DOK6: variants seen among roughly 807,000 people sequenced by gnomAD.
DOK6 encodes docking protein 6.
DOK6 carries 22 observed loss-of-function variants against 44.0 expected under a neutral mutation model. The observed-to-expected ratio is 0.50, with a 90% CI of 0.36 to 0.71. DOK6 has a LOEUF of 0.71. Among genes scored for constraint, DOK6 ranks in the 30% least tolerant of loss-of-function variants. The probability of loss-of-function intolerance (pLI) is 0.00; values close to 1 mark genes in which losing one functional copy is unlikely to be tolerated. For synonymous variants in DOK6, 166 were observed against 145.5 expected, an observed-to-expected ratio of 1.14 and a Z score of -1.01; for missense variants, 340 against 416.4, an observed-to-expected ratio of 0.82 and a Z score of 1.60.
intron 3 of DOK6, among the ~76,000 whole-genome samples, chr18:69,654,488 A>G (rs1209512612): frequency 6.6e-6 from 1 of 152,164 alleles, no homozygotes; most frequent in Non-Finnish European, 1.5e-5. Flanking sequence ...TTTGCATAAA[A>G]TCTGGCTCTT....
chr18:69,547,552 T>A (rs1982440490), intron 1 of DOK6, among the ~76,000 whole-genome samples: 1 of 151,562 alleles, frequency 6.6e-6, no homozygotes, highest in African/African-American at 2.4e-5. Context: ...GCGGATTACA[T>A]TTTAACATGA....
chr18:69,458,011 C>T (rs374613124), intron 1 of DOK6, among the ~76,000 whole-genome samples: 8 of 152,204 alleles, frequency 5.3e-5, no homozygotes, highest in East Asian at 1.9e-4. Flanking sequence ...GGCGTGGTGG[C>T]GCATGCCTGT....
At chr18:69,580,915 A>G (rs1983354096) in intron 2 of DOK6, among the ~76,000 whole-genome samples, 1 of 152,132 alleles carries the variant, frequency 6.6e-6, no homozygotes, top group Non-Finnish European at 1.5e-5. Flanking sequence ...ACATGCAGTG[A>G]GAACGTGTGG....
intron 3 of DOK6, among the ~76,000 whole-genome samples, chr18:69,615,891 G>A (rs928279843): frequency 4.2e-4 from 64 of 152,096 alleles, no homozygotes; most frequent in Admixed American, 9.8e-4. Flanking sequence ...TCATAAGCAC[G>A]GTGAACTGAT....
intron 7 of DOK6, among the ~76,000 whole-genome samples, chr18:69,762,149 G>GCATACATA (rs60739609): frequency 3.8e-4 from 42 of 110,788 alleles, no homozygotes; most frequent in African/African-American, 1.0e-3. Flanking sequence ...ATCTCTGCAT[G>GCATACATA]CATACATACA....
chr18:69,812,162 G>A (rs1981260006), intron 7 of DOK6, among the ~76,000 whole-genome samples: 1 of 151,992 alleles, frequency 6.6e-6, no homozygotes, highest in South Asian at 2.1e-4. Flanking sequence ...AACCACAGAG[G>A]GTGGAATCTT....
At chr18:69,577,413 T>G (rs139684281) in intron 2 of DOK6, among the ~76,000 whole-genome samples, 37 of 152,312 alleles carry the variant, frequency 2.4e-4, no homozygotes, top group African/African-American at 7.7e-4. Context: ...AGGTGTCTTA[T>G]CTATTCATTA....
intron 1 of DOK6, among the ~76,000 whole-genome samples, chr18:69,447,354 T>C (rs355993): frequency 0.79 from 120,899 of 152,076 alleles, 48,323 homozygotes; most frequent in East Asian, 1. Flanking sequence ...TGTCAAAGAT[T>C]AGATGGTTGT....
At chr18:69,585,622 C>CT (rs562119553) in intron 2 of DOK6, among the ~76,000 whole-genome samples, 2 of 151,944 alleles carry the variant, frequency 1.3e-5, no homozygotes, top group African/African-American at 2.4e-5. Flanking sequence ...TATAATGTGT[C>CT]TTTTTTTTCA....
intron 1 of DOK6, among the ~76,000 whole-genome samples, chr18:69,414,646 A>C (rs547199730): frequency 4.6e-5 from 7 of 152,190 alleles, no homozygotes; most frequent in Non-Finnish European, 7.4e-5. Context: ...TTGATGGTTG[A>C]AATGTTCTGT....
intron 1 of DOK6, among the ~76,000 whole-genome samples, chr18:69,467,400 A>G: frequency 6.6e-6 from 1 of 152,170 alleles, no homozygotes; most frequent in Non-Finnish European, 1.5e-5. Context: ...ATTTTGAATC[A>G]GGAACATGAG....
At chr18:69,468,550 A>G (rs1436958736) in intron 1 of DOK6, among the ~76,000 whole-genome samples, 3 of 152,220 alleles carry the variant, frequency 2.0e-5, no homozygotes. Context: ...ATGGCTTGGT[A>G]TATAGATTTC....
chr18:69,754,247 G>T (rs1044820089), intron 6 of DOK6, among the ~76,000 whole-genome samples: 1 of 151,588 alleles, frequency 6.6e-6, no homozygotes, highest in African/African-American at 2.4e-5. Context: ...CAGGCTACTC[G>T]GGAGGCTGAG....
At chr18:69,555,502 C>A (rs768099401) in intron 1 of DOK6, among the ~76,000 whole-genome samples, 2 of 152,094 alleles carry the variant, frequency 1.3e-5, no homozygotes, top group Admixed American at 6.6e-5. Flanking sequence ...ATTAAAAAGT[C>A]TTTTTCCATT....
chr18:69,781,508 C>T (rs987148446), intron 7 of DOK6: 5 of 152,086 alleles, frequency 3.3e-5, no homozygotes, highest in East Asian at 1.9e-4. Flanking sequence ...ACCACCTAAA[C>T]GTATGAATAT....
At chr18:69,468,389 C>T (rs991879197) in intron 1 of DOK6, among the ~76,000 whole-genome samples, 2 of 152,124 alleles carry the variant, frequency 1.3e-5, no homozygotes, top group African/African-American at 4.8e-5. Flanking sequence ...ATATGTGCCC[C>T]ATAAATATGT....
chr18:69,559,933 C>A (rs1568296522), intron 1 of DOK6, among the ~76,000 whole-genome samples: 1 of 152,134 alleles, frequency 6.6e-6, no homozygotes, highest in African/African-American at 2.4e-5. Flanking sequence ...CAAGGCTCAA[C>A]CCTCATGACC....
intron 7 of DOK6, among the ~76,000 whole-genome samples, chr18:69,804,990 C>A (rs1353662223): frequency 6.6e-6 from 1 of 152,120 alleles, no homozygotes; most frequent in Non-Finnish European, 1.5e-5. Flanking sequence ...CATTTCTGCT[C>A]AGAGAGTAAG....
Position 69,810,165 on chromosome 18 carries a change from A to G in DOK6, c.857-31079A>G, listed in dbSNP as rs138285859. Among the ~76,000 whole-genome samples the G allele has an allele frequency of 3.7e-4, 57 of 152,200 alleles. 1 individual carries two copies. The highest frequency in any genetic ancestry group is 7.2e-4 in the Non-Finnish European group (49 of 67,960). On this transcript the variant is annotated intron_variant, in intron 7 of 7. Coordinates refer to ENST00000382713, the MANE Select transcript of DOK6 (RefSeq NM_152721.6). ...ACCAATGGAATAGAATAGAGAGCTC[A>G]GAAATAAATCCACACATTTATGGTC... is the stretch of plus-strand genomic sequence containing the variant.
Sources: allele counts gnomAD v4.1 joint callset (sites outside exome capture counted in the v4.1 genomes callset), GRCh38; gene constraint gnomAD v4.1.1; transcripts MANE v1.5; gene names NCBI Gene and HGNC (gene_info 2026-07-23, HGNC 2026-07-21).